The following GRID2 variants were observed in gnomAD, a reference collection of about 807,000 sequenced individuals.
GRID2 encodes glutamate ionotropic receptor delta type subunit 2, also known as glutamate receptor ionotropic, delta-2.
GRID2 carries 33 observed loss-of-function variants against 114.8 expected under a neutral mutation model. The ratio of observed to expected loss-of-function variants is 0.29; its 90% CI spans 0.22 to 0.38. The LOEUF (loss-of-function observed/expected upper bound fraction) is 0.38, where lower values mean the gene tolerates loss of function less well. Ranked by LOEUF, GRID2 falls within the 10% of genes least tolerant of loss-of-function variation. GRID2 has a pLI of 1.00. For synonymous variants in GRID2, 505 were observed against 449.9 expected (o/e 1.12, Z -1.55); for missense variants, 1,184 against 1,257.7 (o/e 0.94, Z 0.89).
chr4:93,077,502 A>G (rs1458476955), intron 2 of GRID2, among the ~76,000 whole-genome samples: 1 of 152,194 alleles, frequency 6.6e-6, no homozygotes, highest in Non-Finnish European at 1.5e-5. Flanking sequence ...AAGAAGTTTT[A>G]TAAGGAACAA....
chr4:92,507,552 T>C (rs1432410948), intron 1 of GRID2, among the ~76,000 whole-genome samples: 2 of 151,776 alleles, frequency 1.3e-5, no homozygotes, highest in South Asian at 2.1e-4. Context: ...CTGAGTCCAG[T>C]TTTTTTTAAT....
rs552001935 is a variant in GRID2 at position 92,719,144 on chromosome 4, G to T, written c.244+128858G>T. Among the ~76,000 whole-genome samples, 23 of 151,976 alleles carry T rather than the reference G, an allele frequency of 1.5e-4. No individual in the cohort carries two copies. The South Asian group carries it at 4.2e-3, about 27-fold the overall frequency. ...TGGGATTGCAGGTGCCCACCACCATGCCTAGCTAATTTTTTGTATTTTAGT... is the reference window on the plus strand; with the variant it reads ...TGGGATTGCAGGTGCCCACCACCATTCCTAGCTAATTTTTTGTATTTTAGT... On this transcript the variant is annotated intron_variant, in intron 2 of 15. Coordinates refer to ENST00000282020, the MANE Select transcript of GRID2 (RefSeq NM_001510.4).
chr4:93,712,002 GTTT>G (rs1345485538), intron 14 of GRID2, among the ~76,000 whole-genome samples: 3 of 151,372 alleles, frequency 2.0e-5, no homozygotes, highest in Non-Finnish European at 4.4e-5. Context: ...GAGCTTTTCA[GTTT>G]TTTTGTTGTT....
intron 2 of GRID2, among the ~76,000 whole-genome samples, chr4:92,694,249 G>C (rs1005649470): frequency 5.3e-5 from 8 of 152,102 alleles, no homozygotes; most frequent in Non-Finnish European, 1.2e-4. Flanking sequence ...TTAGAAAAGG[G>C]ACATGACAAG....
chr4:93,175,624 C>A (rs747138174), intron 4 of GRID2, among the ~76,000 whole-genome samples: 3 of 152,040 alleles, frequency 2.0e-5, no homozygotes, highest in African/African-American at 7.2e-5. Context: ...TAAGCCAAAA[C>A]ATTTTTACTC....
At chr4:92,600,090 T>TATA (rs1729155413) in intron 2 of GRID2, among the ~76,000 whole-genome samples, 4 of 84,388 alleles carry the variant, frequency 4.7e-5, no homozygotes, top group African/African-American at 1.3e-4. Context: ...ATATATATAT[T>TATA]TCTCAGAATG....
intron 2 of GRID2, among the ~76,000 whole-genome samples, chr4:92,878,730 T>C (rs1452476936): frequency 1.3e-5 from 2 of 152,146 alleles, no homozygotes; most frequent in Non-Finnish European, 2.9e-5. Flanking sequence ...TTGCATGATA[T>C]ATAGTGATAG....
At chr4:93,533,369 CTCTCTCTT>C (rs1387650770) in intron 13 of GRID2, among the ~76,000 whole-genome samples, 7 of 115,288 alleles carry the variant, frequency 6.1e-5, no homozygotes, top group African/African-American at 2.3e-4. Flanking sequence ...CCTTACTTCT[CTCTCTCTT>C]TCTTTCTTTC....
chr4:92,391,291 A>C (rs974907182), intron 1 of GRID2, among the ~76,000 whole-genome samples: 3 of 152,132 alleles, frequency 2.0e-5, no homozygotes, highest in Admixed American at 2.0e-4. Flanking sequence ...TTTACTTGCA[A>C]GCTGTCTGAT....
At chr4:93,523,692 G>A (rs995182548) in intron 13 of GRID2, among the ~76,000 whole-genome samples, 4 of 152,068 alleles carry the variant, frequency 2.6e-5, no homozygotes, top group African/African-American at 7.2e-5. Context: ...GAGGTGTGGG[G>A]CCCCTCTTCA....
chr4:93,265,689 G>T (rs561538902), intron 8 of GRID2, among the ~76,000 whole-genome samples: 1 of 152,208 alleles, frequency 6.6e-6, no homozygotes, highest in South Asian at 2.1e-4. Flanking sequence ...AACAAGTAAG[G>T]TAATTATTTA....
At chr4:93,595,110 T>G (rs1041765136) in intron 13 of GRID2, among the ~76,000 whole-genome samples, 1 of 152,194 alleles carries the variant, frequency 6.6e-6, no homozygotes, top group African/African-American at 2.4e-5. Context: ...ACATGCTGCC[T>G]GCTCTCCTCA....
intron 14 of GRID2, among the ~76,000 whole-genome samples, chr4:93,735,832 A>T (rs975955282): frequency 6.6e-6 from 1 of 151,846 alleles, no homozygotes; most frequent in Non-Finnish European, 1.5e-5. Flanking sequence ...GAAGCAGGAA[A>T]TTTTTCTTTT....
intron 13 of GRID2, among the ~76,000 whole-genome samples, chr4:93,604,483 T>C (rs1042949748): frequency 6.6e-6 from 1 of 152,182 alleles, no homozygotes; most frequent in Non-Finnish European, 1.5e-5. Context: ...GTTATAAACA[T>C]TGTTAACATA....
chr4:92,820,620 CTATAAATACCCTGG>C (rs1254388395), intron 2 of GRID2, among the ~76,000 whole-genome samples: 9 of 152,056 alleles, frequency 5.9e-5, no homozygotes, highest in Admixed American at 2.6e-4. Flanking sequence ...TGTCAGAATC[CTATAAATACCCTGG>C]AAATAGCGGG....
chr4:92,986,384 T>C (rs1470577891), intron 2 of GRID2, among the ~76,000 whole-genome samples: 1 of 152,210 alleles, frequency 6.6e-6, no homozygotes, highest in South Asian at 2.1e-4. Flanking sequence ...GAAAAATATA[T>C]GTGTTGAGGG....
chr4:93,691,241 T>C (rs1726538257), intron 14 of GRID2, among the ~76,000 whole-genome samples: 1 of 151,994 alleles, frequency 6.6e-6, no homozygotes, highest in Admixed American at 6.6e-5. Flanking sequence ...AATGATAGAT[T>C]GATTAGAACA....
At chr4:93,732,303 A>T (rs1241830056) in intron 14 of GRID2, among the ~76,000 whole-genome samples, 1 of 152,208 alleles carries the variant, frequency 6.6e-6, no homozygotes. Context: ...CTAAAATGCC[A>T]CAAGAGACAC....
In GRID2 at chr4:92,957,633, C is replaced by G. The variant is rs145310171; in HGVS notation, c.245-127362C>G. Among the ~76,000 whole-genome samples, 57 of 151,776 alleles carry G rather than the reference C, an allele frequency of 3.8e-4. 1 individual carries two copies. Among genetic ancestry groups the G allele is most frequent in the Admixed American group, 1.2e-3 (18 of 15,236 alleles). ...CAACTTTAACATTGTGCTAGCTATA[C>G]TGAATATTTTGCCACTTCATAAAAA... On this transcript the variant is annotated intron_variant, in intron 2 of 15. Transcript: ENST00000282020.
Sources: allele counts gnomAD v4.1 joint callset (sites outside exome capture counted in the v4.1 genomes callset), GRCh38; gene constraint gnomAD v4.1.1; transcripts MANE v1.5; gene names NCBI Gene and HGNC (gene_info 2026-07-23, HGNC 2026-07-21).